The following BAZ1B variants were observed in gnomAD, a reference collection of about 807,000 sequenced individuals.
BAZ1B encodes the protein bromodomain adjacent to zinc finger domain 1B.
Under a neutral mutation model 153.8 loss-of-function variants are expected in BAZ1B, and 22 were observed. The ratio of observed to expected loss-of-function variants is 0.14; its 90% confidence interval spans 0.10 to 0.20. The LOEUF (loss-of-function observed/expected upper bound fraction) is 0.20. Ranked by LOEUF, BAZ1B falls within the 10% of genes least tolerant of loss-of-function variation. BAZ1B has a pLI of 1.00. For missense variants in BAZ1B, 1,325 were observed against 1,799.3 expected (o/e 0.74, Z 4.77); for synonymous variants, 676 against 633.4 (o/e 1.07, Z -1.01).
At chr7:73,501,887 A>ATTT (rs200718272) in intron 3 of BAZ1B, among the ~76,000 whole-genome samples, 103 of 133,110 alleles carry the variant, frequency 7.7e-4, no homozygotes, top group Non-Finnish European at 1.2e-3. Context: ...CTTATCAAGA[A>ATTT]TTTTTTTTTT....
chr7:73,442,139 C>CA, intron 19 of BAZ1B, 42 bp downstream of exon 19: 8 of 598,500 alleles, frequency 1.3e-5, no homozygotes, highest in East Asian at 2.9e-5. Flanking sequence ...GCTCGCCTCC[C>CA]TCCCACCCTC....
chr7:73,443,445 T>C lies in BAZ1B; in HGVS notation c.3990+539A>G, dbSNP rs141241236. 5.4e-3 allele frequency among the ~76,000 whole-genome samples: 821 copies of C among 152,354 alleles called. 5 individuals carry two copies. Among genetic ancestry groups the C allele is most frequent in the African/African-American group, 0.018 (744 of 41,594 alleles). ...AGGCTGTGGCAAACCGAGCATCTTC[T>C]AATGCCTTATGATCTCCCAAATGGC... is the stretch of plus-strand genomic sequence containing the variant. On this transcript the variant is annotated intron_variant, in intron 17 of 19. Transcript: ENST00000339594.
At chr7:73,507,027 C>T (rs782515779) in intron 3 of BAZ1B, among the ~76,000 whole-genome samples, 6 of 149,602 alleles carry the variant, frequency 4.0e-5, no homozygotes, top group African/African-American at 9.8e-5. Flanking sequence ...TACAGGCGCC[C>T]GCCACCACGG....
chr7:73,470,621 G>T, intron 7 of BAZ1B, 138 bp from the exon 8 acceptor site: 1 of 1,057,546 alleles, frequency 9.5e-7, no homozygotes, highest in African/African-American at 1.6e-5. Context: ...ATTCTAATCT[G>T]TTACAAGAAA....
intron 12 of BAZ1B, among the ~76,000 whole-genome samples, chr7:73,460,382 T>C (rs1788355509): frequency 6.6e-6 from 1 of 152,146 alleles, no homozygotes; most frequent in African/African-American, 2.4e-5. Context: ...AAAATAAAAA[T>C]TCACTGACTT....
intron 3 of BAZ1B, among the ~76,000 whole-genome samples, chr7:73,503,041 T>C (rs1349238245): frequency 3.9e-5 from 6 of 152,222 alleles, no homozygotes; most frequent in African/African-American, 1.4e-4. Flanking sequence ...TATCTCCTCA[T>C]TGGACTACTA....
chr7:73,460,986 G>A (rs938287203), intron 12 of BAZ1B, among the ~76,000 whole-genome samples: 5 of 151,274 alleles, frequency 3.3e-5, no homozygotes, highest in Non-Finnish European at 1.5e-5. Flanking sequence ...TGTTGTTGTT[G>A]TTTTTTGAGA....
At chr7:73,483,697 A>C (rs1318011713) in intron 6 of BAZ1B, among the ~76,000 whole-genome samples, 1 of 152,078 alleles carries the variant, frequency 6.6e-6, no homozygotes, top group South Asian at 2.1e-4. Flanking sequence ...GCTGGAGTGC[A>C]GTGGCATGAT....
At position 73,515,899 on chromosome 7, in the gene BAZ1B, C is replaced by T. The variant is rs922745548; in HGVS notation, c.108-5047G>A. 2.6e-5 allele frequency among the ~76,000 whole-genome samples: 4 copies of T among 152,096 alleles called. No homozygotes were observed. The East Asian group carries it at 7.7e-4, about 29-fold the overall frequency. On this transcript the variant is annotated intron_variant, in intron 1 of 19. Coordinates refer to ENST00000339594, the MANE Select transcript of BAZ1B (RefSeq NM_032408.4). Reference sequence around the variant, plus strand: ...GTGGCTCACGCCTGTAATCCCAGCACTTTGGGAGGCAGAGGGGAACGGATC... The same window carrying T: ...GTGGCTCACGCCTGTAATCCCAGCATTTTGGGAGGCAGAGGGGAACGGATC...
rs1583890335 is a variant in BAZ1B, at chr7:73,454,372, C to T, written c.3433-3378G>A. On this transcript the variant is annotated intron_variant, in intron 13 of 19. Transcript: ENST00000339594. ...TAAATCCCAGCAAGATAATGACACA[C>T]CACATAGTAAGTGTCTCAGCTTAAG... 3.9e-5 allele frequency among the ~76,000 whole-genome samples: 6 copies of T among 152,222 alleles called. No homozygotes were observed. In the South Asian group the frequency reaches 1.0e-3, roughly 26 times the overall value.
intron 5 of BAZ1B, among the ~76,000 whole-genome samples, chr7:73,490,594 GTTAAAAC>G (rs1481562235): frequency 6.6e-6 from 1 of 151,432 alleles, no homozygotes; most frequent in Non-Finnish European, 1.5e-5. Context: ...TAGGGAAGTG[GTTAAAAC>G]TAAGCATTTT....
At position 73,504,182 on chromosome 7, in the gene BAZ1B, C is replaced by G. The variant is rs1264221140; in HGVS notation, c.369+4145G>C. Among the ~76,000 whole-genome samples the G allele has an allele frequency of 2.0e-5, 3 of 152,314 alleles. No homozygotes were observed. The South Asian group carries it at 6.2e-4, about 32-fold the overall frequency. On this transcript the variant is annotated intron_variant, in intron 3 of 19. Coordinates refer to ENST00000339594, the MANE Select transcript of BAZ1B (RefSeq NM_032408.4). ...ATTCAATTACATTTGAGTATGCCAT[C>G]TGTTTCCTGCCAGGACACTGACTGA...
intron 4 of BAZ1B, among the ~76,000 whole-genome samples, chr7:73,497,065 C>CAACAAAAAAAAA (rs1789933779): frequency 2.0e-5 from 1 of 49,528 alleles, no homozygotes; most frequent in Non-Finnish European, 3.8e-5. Flanking sequence ...CTGACCTCTA[C>CAACAAAAAAAAA]AAAAAAAAAA....
chr7:73,519,773 T>C (rs1156713838), intron 1 of BAZ1B, among the ~76,000 whole-genome samples: 2 of 151,782 alleles, frequency 1.3e-5, no homozygotes, highest in African/African-American at 4.8e-5. Context: ...TTTCTTATAC[T>C]CTGCTAGAAC....
chr7:73,449,458 C>G (rs1787953191), intron 15 of BAZ1B, 84 bp downstream of exon 15: 1 of 1,448,610 alleles, frequency 6.9e-7, no homozygotes, highest in South Asian at 1.4e-5. Flanking sequence ...TCCTTAGATT[C>G]ATTCTGTTTG....
chr7:73,458,370 G>C (rs561602472), intron 13 of BAZ1B, among the ~76,000 whole-genome samples: 3 of 152,058 alleles, frequency 2.0e-5, no homozygotes, highest in Admixed American at 2.0e-4. Flanking sequence ...CCACAGAATC[G>C]AACACATAAA....
At chr7:73,491,039 G>C (rs1233909718) in intron 5 of BAZ1B, among the ~76,000 whole-genome samples, 1 of 151,748 alleles carries the variant, frequency 6.6e-6, no homozygotes, top group Non-Finnish European at 1.5e-5. Flanking sequence ...TGTAATCCCA[G>C]TACTTTGGGA....
rs782007434 is a variant in BAZ1B at position 73,477,703 on chromosome 7, A to G, written c.1758T>C (p.Thr586=). 6.2e-7 allele frequency: 1 copy of G among 1,614,178 alleles called. No homozygotes were observed. Among genetic ancestry groups the G allele is most frequent in the Non-Finnish European group, 8.5e-7 (1 of 1,180,034 alleles). ...KQKRYEDQEL[T]GKNLPAFRLV... is the part of the protein sequence containing the mutation. ...ATCTGAATGCTGGAAGGTTTTTGCC[A>G]GTTAACTCTTGGTCCTCATACCGCT... The change falls in exon 7 of 20, where the codon ACT becomes ACC. Residue 586 remains threonine (T), a synonymous_variant. Coordinates refer to ENST00000339594, the MANE Select transcript of BAZ1B (RefSeq NM_032408.4). This position sits in a 1 kb window ranked among gnomAD's most constrained non-coding sequence, Gnocchi z 5.6.
At chr7:73,476,815 T>C in intron 7 of BAZ1B, 53 bp downstream of exon 7, 1 of 1,533,528 alleles carries the variant, frequency 6.5e-7, no homozygotes, top group Non-Finnish European at 8.7e-7. Flanking sequence ...TAATTTCCTT[T>C]CTTTTACTAT....
Sources: gnomAD v4.1 joint callset for allele counts (sites outside exome capture counted in the v4.1 genomes callset) on GRCh38, gnomAD v4.1.1 for gene constraint, Gnocchi (gnomAD v3.1) non-coding constraint, MANE v1.5 for transcripts, NCBI Gene and HGNC (gene_info 2026-07-23, HGNC 2026-07-21) for gene names.